The following COPB1 variants were observed in gnomAD, a reference collection of about 807,000 sequenced individuals.
COPB1 encodes coatomer subunit beta.
A neutral mutation model predicts 108.7 loss-of-function variants in COPB1; 21 were observed. The observed-to-expected ratio is 0.19, with a 90% CI of 0.14 to 0.28. COPB1 has a LOEUF of 0.28. Ranked by LOEUF, COPB1 falls within the 10% of genes least tolerant of loss-of-function variation. The probability of loss-of-function intolerance (pLI) is 1.00; values close to 1 mark genes in which losing one functional copy is unlikely to be tolerated. For synonymous variants in COPB1, 378 were observed against 386.8 expected (o/e 0.98, Z 0.27); for missense variants, 919 against 1,141.3 (o/e 0.81, Z 2.81).
In COPB1 at chr11:14,482,074, G is replaced by T. The variant is rs888381434; in HGVS notation, c.957+958C>A. ...CCCAAAGTGCTGCGATTTTAGGCAT[G>T]AGCCACCACACCTGGCCCACATTTG... On this transcript the variant is annotated intron_variant, in intron 8 of 21. Coordinates refer to ENST00000439561, the MANE Select transcript of COPB1 (RefSeq NM_001144061.2). Among the ~76,000 whole-genome samples, 8 of 151,954 alleles carry T rather than the reference G, an allele frequency of 5.3e-5. No individual in the cohort carries two copies. In the South Asian group the frequency reaches 1.0e-3, roughly 20 times the overall value.
intron 7 of COPB1, among the ~76,000 whole-genome samples, chr11:14,483,819 A>G (rs550726664): frequency 1.3e-5 from 2 of 152,354 alleles, no homozygotes; most frequent in African/African-American, 4.8e-5. Context: ...TACCAAAGCA[A>G]TAATTGTAAG....
intron 6 of COPB1, 32 bp from the exon 7 acceptor site, chr11:14,486,536 T>C (rs751273670): frequency 1.4e-5 from 23 of 1,605,340 alleles, no homozygotes; most frequent in Non-Finnish European, 1.8e-5. Context: ...TTTCAACCGA[T>C]TTCAGGAACG....
rs149531647 is a variant in COPB1, at chr11:14,479,697, A to C, written c.1230T>G (p.Ser410Arg). 1.6e-4 allele frequency: 248 copies of C among 1,583,096 alleles called. No individual in the cohort carries two copies. The highest frequency in any genetic ancestry group is 1.5e-4 in the Non-Finnish European group (177 of 1,169,696). ...NVIPVLMEFLSDNNEAAAADV... is the reference protein window; with the variant it reads ...NVIPVLMEFLRDNNEAAAADV... The stretch of plus-strand genomic sequence containing the variant: ...CAGCAGCTGCTGCTTCGTTGTTGTC[A>C]CTGAGAAATTCCATTAACTAAAAGA... The change falls in exon 11 of 22, where the codon AGT (serine) becomes AGG (arginine). Residue 410 changes from serine to arginine, a missense_variant. Physicochemically the swap from Ser to Arg is moderately radical, Grantham distance 110. Around this residue, in one of 5 missense-constraint regions of COPB1, gnomAD observed 705 missense variants for 817.8 expected, o/e 0.86. Coordinates refer to ENST00000439561, the MANE Select transcript of COPB1 (RefSeq NM_001144061.2).
chr11:14,488,597 A>T lies in COPB1; in HGVS notation c.607-13T>A. The T allele has an allele frequency of 6.4e-7, 1 of 1,565,432 alleles. No individual in the cohort carries two copies. The highest frequency in any genetic ancestry group is 2.3e-5 in the East Asian group (1 of 44,400). ...CCAAAGCTCGATCCTAAAAAAAATAAGAATATATTTATCATTCTCCACCTC... is the reference window on the plus strand; with the variant it reads ...CCAAAGCTCGATCCTAAAAAAAATATGAATATATTTATCATTCTCCACCTC... On this transcript the variant is annotated splice_polypyrimidine_tract_variant and intron_variant, in intron 5 of 21. Coordinates refer to ENST00000439561, the MANE Select transcript of COPB1 (RefSeq NM_001144061.2).
At chr11:14,477,898 A>G (rs1457252676) in intron 11 of COPB1, among the ~76,000 whole-genome samples, 2 of 138,894 alleles carry the variant, frequency 1.4e-5, no homozygotes, top group African/African-American at 5.2e-5. Context: ...CTCCATCTCA[A>G]AAAAAAAAAA....
At chr11:14,469,724 C>G (rs1456034647) in intron 14 of COPB1, among the ~76,000 whole-genome samples, 161 bp from the exon 15 acceptor site, 1 of 152,144 alleles carries the variant, frequency 6.6e-6, no homozygotes, top group Non-Finnish European at 1.5e-5. Flanking sequence ...CTTCTCCTTC[C>G]TTTCTACTCT....
chr11:14,482,953 C>A, intron 8 of COPB1, 79 bp downstream of exon 8: 3 of 1,347,608 alleles, frequency 2.2e-6, no homozygotes, highest in East Asian at 4.7e-5. Context: ...TTAGGTTAAC[C>A]AAGATGGGCA....
intron 16 of COPB1, among the ~76,000 whole-genome samples, chr11:14,466,821 C>T (rs1259342751): frequency 6.6e-6 from 1 of 152,144 alleles, no homozygotes; most frequent in Non-Finnish European, 1.5e-5. Context: ...AAACTCACTA[C>T]TTGATCTATG....
Position 14,486,557 on chromosome 11 carries a change from A to G in COPB1, c.700-53T>C, listed in dbSNP as rs989033244. On this transcript the variant is annotated intron_variant, in intron 6 of 21. Coordinates refer to ENST00000439561, the MANE Select transcript of COPB1 (RefSeq NM_001144061.2). ...CCGATTTCAGGAACGCTTGTTTTCAAATGGAGTTTTTTCATGAATGTCAGC... is the reference window on the plus strand; with the variant it reads ...CCGATTTCAGGAACGCTTGTTTTCAGATGGAGTTTTTTCATGAATGTCAGC... The G allele has an allele frequency of 1.9e-6, 3 of 1,597,318 alleles. No homozygotes were observed. The East Asian group carries it at 6.7e-5, about 36-fold the overall frequency.
chr11:14,471,815 G>C (rs1056550927), intron 14 of COPB1, among the ~76,000 whole-genome samples: 2 of 152,226 alleles, frequency 1.3e-5, no homozygotes, highest in East Asian at 1.9e-4. Flanking sequence ...CCAGCTACTC[G>C]GGAGGCTGAG....
At chr11:14,470,221 C>T (rs1850369583) in intron 14 of COPB1, among the ~76,000 whole-genome samples, 1 of 152,140 alleles carries the variant, frequency 6.6e-6, no homozygotes. Context: ...TGTTTTTAAT[C>T]GCACTAACTT....
intron 7 of COPB1, among the ~76,000 whole-genome samples, chr11:14,484,735 C>G (rs1306664419): frequency 2.0e-5 from 3 of 151,862 alleles, no homozygotes. Context: ...AAAAACAAAA[C>G]AAAAAAACAA....
intron 21 of COPB1, 86 bp downstream of exon 21, chr11:14,458,446 G>C (rs745549734): frequency 6.4e-5 from 83 of 1,302,190 alleles, no homozygotes; most frequent in Non-Finnish European, 8.6e-5. Context: ...ATGCTAAAAA[G>C]ATACTACATA....
chr11:14,466,174 C>T (rs1850276155), intron 17 of COPB1, 108 bp downstream of exon 17: 2 of 1,075,532 alleles, frequency 1.9e-6, no homozygotes, highest in Non-Finnish European at 2.6e-6. Context: ...TTCAAAATGT[C>T]AGAAAAGGTT....
intron 2 of COPB1, among the ~76,000 whole-genome samples, chr11:14,496,465 A>G (rs770438051): frequency 1.3e-5 from 2 of 152,194 alleles, no homozygotes; most frequent in Admixed American, 1.3e-4. Context: ...ACCCACAGAT[A>G]AAATTAGATA....
chr11:14,473,304 A>G (rs1850448201), intron 14 of COPB1, among the ~76,000 whole-genome samples: 1 of 152,160 alleles, frequency 6.6e-6, no homozygotes, highest in Non-Finnish European at 1.5e-5. Flanking sequence ...TTACTGGAGT[A>G]GCACTTTTAA....
chr11:14,462,182 A>G (rs1222421172), intron 18 of COPB1, among the ~76,000 whole-genome samples: 1 of 150,392 alleles, frequency 6.6e-6, no homozygotes, highest in Admixed American at 6.7e-5. Context: ...CACAGTAGAG[A>G]GTTATAATCT....
chr11:14,488,753 T>C (rs1020881503), intron 5 of COPB1, among the ~76,000 whole-genome samples, 169 bp from the exon 6 acceptor site: 3 of 152,004 alleles, frequency 2.0e-5, no homozygotes, highest in African/African-American at 4.8e-5. Context: ...ATATAAAATA[T>C]AAGACATAAA....
At chr11:14,478,957 C>A (rs892325388) in intron 11 of COPB1, 15 of 68,420 alleles carry the variant, frequency 2.2e-4, no homozygotes, top group East Asian at 5.2e-4. Context: ...AGCCCTCTCA[C>A]AAAAAAAAAA....
Sources: gnomAD v4.1 joint callset for allele counts (sites outside exome capture counted in the v4.1 genomes callset) on GRCh38, gnomAD v4.1.1 for gene constraint, gnomAD v4.1.1 regional missense constraint, MANE v1.5 for transcripts, NCBI Gene and HGNC (gene_info 2026-07-23, HGNC 2026-07-21) for gene names.